Variants in AXDND1 observed in about 807,000 individuals in gnomAD.
AXDND1 encodes axonemal dynein light chain domain-containing protein 1.
In AXDND1, 110 loss-of-function variants were observed where a neutral mutation model predicts 137.5. That is an observed-to-expected ratio of 0.80 (90% CI 0.69 to 0.94). AXDND1 has a LOEUF of 0.94. Ranked by LOEUF, AXDND1 falls within the 40% of genes least tolerant of loss-of-function variation. The pLI is 0.00. For missense variants in AXDND1, 1,191 were observed against 1,169.8 expected (o/e 1.02, Z -0.26); for synonymous variants, 414 against 399.7 (o/e 1.04, Z -0.43).
At chr1:179,427,690 T>C (rs1356494219) in intron 12 of AXDND1, among the ~76,000 whole-genome samples, 1 of 152,200 alleles carries the variant, frequency 6.6e-6, no homozygotes, top group Non-Finnish European at 1.5e-5. Flanking sequence ...TTACTATCTG[T>C]CAGATATTTT....
intron 12 of AXDND1, among the ~76,000 whole-genome samples, chr1:179,424,111 A>G (rs1012684248): frequency 6.6e-6 from 1 of 151,562 alleles, no homozygotes; most frequent in Non-Finnish European, 1.5e-5. Context: ...TTTGCTGGAT[A>G]TAGTACTCTT....
chr1:179,461,288 C>A (rs1662281017), intron 16 of AXDND1, among the ~76,000 whole-genome samples: 1 of 152,184 alleles, frequency 6.6e-6, no homozygotes, highest in Non-Finnish European at 1.5e-5. Context: ...GTTTTCCCAG[C>A]ACCATTTATT....
intron 17 of AXDND1, among the ~76,000 whole-genome samples, chr1:179,472,473 T>C (rs1664075619): frequency 6.6e-6 from 1 of 152,180 alleles, no homozygotes; most frequent in Non-Finnish European, 1.5e-5. Context: ...TATATTTCAT[T>C]TTTATTGGAG....
At chr1:179,406,111 AC>A (rs1652915431) in intron 11 of AXDND1, among the ~76,000 whole-genome samples, 1 of 152,112 alleles carries the variant, frequency 6.6e-6, no homozygotes, top group African/African-American at 2.4e-5. Context: ...GTATTTACTG[AC>A]CCAGTGATCA....
At chr1:179,429,680 T>A in intron 13 of AXDND1, 61 bp downstream of exon 13, 1 of 896,762 alleles carries the variant, frequency 1.1e-6, no homozygotes, top group Non-Finnish European at 1.6e-6. Flanking sequence ...GGGTTGAGAC[T>A]GTAAGATGCC....
intron 15 of AXDND1, among the ~76,000 whole-genome samples, chr1:179,436,437 A>G (rs1658159519): frequency 6.6e-6 from 1 of 152,224 alleles, no homozygotes; most frequent in African/African-American, 2.4e-5. Flanking sequence ...ACATGGAACC[A>G]ACCCAATGCC....
Position 179,395,314 on chromosome 1 carries a change from A to T in AXDND1, c.1109+112A>T, listed in dbSNP as rs1332921632. On this transcript the variant is annotated intron_variant, in intron 11 of 25. Transcript: ENST00000367618. ...CTTCTTGAATTCTAAAATCACATAT[A>T]GATAGCTTACTTTATCTGAATTTAG... 7.1e-5 allele frequency: 55 copies of T among 773,182 alleles called. 2 individuals are homozygous for T. The South Asian group carries it at 1.3e-3, about 18-fold the overall frequency. 47.9% of individuals were successfully genotyped at this position (773,182 alleles called of 1,614,324 possible).
At chr1:179,392,962 G>A (rs1430304357) in intron 9 of AXDND1, among the ~76,000 whole-genome samples, 1 of 152,014 alleles carries the variant, frequency 6.6e-6, no homozygotes, top group Non-Finnish European at 1.5e-5. Flanking sequence ...TTGTGCAGAA[G>A]TTCTTTAGTT....
chr1:179,482,369 A>G (rs1380889944), intron 17 of AXDND1, among the ~76,000 whole-genome samples: 1 of 152,082 alleles, frequency 6.6e-6, no homozygotes, highest in Non-Finnish European at 1.5e-5. Context: ...TATTTATTAT[A>G]TATATAGGGG....
At chr1:179,456,747 C>T (rs1311673363) in intron 16 of AXDND1, 4 of 781,692 alleles carry the variant, frequency 5.1e-6, no homozygotes, top group Non-Finnish European at 9.2e-6. Flanking sequence ...GTTTCCAGAA[C>T]TACTTTGACC....
intron 21 of AXDND1, among the ~76,000 whole-genome samples, chr1:179,519,294 G>A (rs969475194): frequency 8.6e-5 from 13 of 151,924 alleles, no homozygotes; most frequent in African/African-American, 2.4e-4. Context: ...GACCTTTGTC[G>A]GATACATAGT....
At chr1:179,382,503 A>G (rs903767069) in intron 6 of AXDND1, among the ~76,000 whole-genome samples, 197 bp from the exon 7 acceptor site, 8 of 152,172 alleles carry the variant, frequency 5.3e-5, no homozygotes, top group Non-Finnish European at 1.2e-4. Context: ...TTCTGGCTTG[A>G]TAAGACTTCC....
intron 17 of AXDND1, among the ~76,000 whole-genome samples, chr1:179,479,636 G>A (rs184958554): frequency 1.3e-5 from 2 of 152,102 alleles, no homozygotes; most frequent in African/African-American, 4.8e-5. Flanking sequence ...AATTAGCTGG[G>A]CATGGTGGTG....
chr1:179,378,584 G>A (rs1647680418), intron 4 of AXDND1, 53 bp from the exon 5 acceptor site: 2 of 1,388,692 alleles, frequency 1.4e-6, no homozygotes, highest in Non-Finnish European at 1.9e-6. Flanking sequence ...CTGCTGTTAT[G>A]TGGTATCCAG....
At chr1:179,405,788 TATTG>T (rs1415000924) in intron 11 of AXDND1, among the ~76,000 whole-genome samples, 2 of 152,016 alleles carry the variant, frequency 1.3e-5, no homozygotes, top group Non-Finnish European at 2.9e-5. Context: ...GCTAGAAGTT[TATTG>T]ATTTTGTTTA....
At chr1:179,480,159 G>T (rs1422963992) in intron 17 of AXDND1, among the ~76,000 whole-genome samples, 1 of 152,108 alleles carries the variant, frequency 6.6e-6, no homozygotes. Context: ...CCCACTCCAG[G>T]TACCGATTTA....
At chr1:179,476,640 A>AT (rs898751702) in intron 17 of AXDND1, among the ~76,000 whole-genome samples, 15 of 151,592 alleles carry the variant, frequency 9.9e-5, no homozygotes, top group African/African-American at 1.9e-4. Context: ...CTTGGTTGAC[A>AT]TTTTTTTCTT....
At chr1:179,383,369 T>C in intron 7 of AXDND1, 73 bp from the exon 8 acceptor site, 1 of 1,100,812 alleles carries the variant, frequency 9.1e-7, no homozygotes, top group Non-Finnish European at 1.4e-6. Flanking sequence ...TTACACATAT[T>C]ATATTCTTTT....
At position 179,411,232 on chromosome 1, in the gene AXDND1, T is replaced by C; in HGVS notation, c.1196T>C (p.Ile399Thr). 1.9e-6 allele frequency: 3 copies of C among 1,613,194 alleles called. No individual in the cohort carries two copies. The highest frequency in any genetic ancestry group is 2.2e-5 in the South Asian group (2 of 90,868). Residue 399 changes from isoleucine (I) to threonine (T), a missense_variant, in exon 12 of 26, where the codon ATC (isoleucine) becomes ACC (threonine). Physicochemically the swap from Ile to Thr is moderately conservative, Grantham distance 89. Coordinates refer to ENST00000367618, the MANE Select transcript of AXDND1 (RefSeq NM_144696.6). ...DMKKLVAERD[I>T]WSSATYELAL... ...AAAAAGTTAGTGGCAGAAAGAGATATCTGGAGCTCAGCCACATATGAATTG... is the reference window on the plus strand; with the variant it reads ...AAAAAGTTAGTGGCAGAAAGAGATACCTGGAGCTCAGCCACATATGAATTG...
Sources: allele counts gnomAD v4.1 joint callset (sites outside exome capture counted in the v4.1 genomes callset), GRCh38; gene constraint gnomAD v4.1.1; transcripts MANE v1.5; gene names NCBI Gene and HGNC (gene_info 2026-07-23, HGNC 2026-07-21).